CTNNBL1: variants seen among roughly 807,000 people sequenced by gnomAD.
The protein encoded by CTNNBL1 is catenin beta like 1.
Under a neutral mutation model 72.7 loss-of-function variants are expected in CTNNBL1, and 31 were observed. That is an observed-to-expected ratio of 0.43 (90% CI 0.32 to 0.58). The LOEUF is 0.58. Ranked by LOEUF, CTNNBL1 falls within the 20% of genes least tolerant of loss-of-function variation. The pLI is 0.08. For missense variants in CTNNBL1, 534 were observed against 725.1 expected (o/e 0.74, Z 3.03); for synonymous variants, 240 against 267.3 (o/e 0.90, Z 1.00).
chr20:37,843,490 C>A (rs2072322035), intron 13 of CTNNBL1, among the ~76,000 whole-genome samples: 1 of 152,188 alleles, frequency 6.6e-6, no homozygotes, highest in African/African-American at 2.4e-5. Flanking sequence ...TGTGGGGAGA[C>A]AGTGACCTTG....
intron 3 of CTNNBL1, among the ~76,000 whole-genome samples, chr20:37,740,824 A>G (rs1462588805): frequency 6.6e-6 from 1 of 152,176 alleles, no homozygotes; most frequent in East Asian, 1.9e-4. Context: ...GATTTATTAT[A>G]AAATAGTTTT....
chr20:37,871,814 G>A (rs2072587064), intron 15 of CTNNBL1, 111 bp from the exon 16 acceptor site: 3 of 920,852 alleles, frequency 3.3e-6, no homozygotes, highest in Admixed American at 3.9e-5. Flanking sequence ...GGGGCATTAG[G>A]GCGACTTGCA....
At chr20:37,795,694 G>T (rs2073766972) in intron 10 of CTNNBL1, among the ~76,000 whole-genome samples, 1 of 152,040 alleles carries the variant, frequency 6.6e-6, no homozygotes, top group Non-Finnish European at 1.5e-5. Flanking sequence ...TAGTTAACAT[G>T]CTGATGCTTT....
chr20:37,773,194 C>T (rs191297359), intron 7 of CTNNBL1, among the ~76,000 whole-genome samples: 1 of 152,284 alleles, frequency 6.6e-6, no homozygotes, highest in African/African-American at 2.4e-5. Context: ...AAGTTCTTAG[C>T]CTCTATGACC....
intron 13 of CTNNBL1, among the ~76,000 whole-genome samples, chr20:37,843,896 T>C (rs917796972): frequency 9.2e-5 from 14 of 152,250 alleles, no homozygotes; most frequent in Admixed American, 3.9e-4. Context: ...GTGATACTAC[T>C]GCAAGATAAA....
At chr20:37,856,649 G>A (rs2072444153) in intron 13 of CTNNBL1, among the ~76,000 whole-genome samples, 1 of 151,328 alleles carries the variant, frequency 6.6e-6, no homozygotes, top group African/African-American at 2.5e-5. Context: ...CCTCTAAGGT[G>A]CTCCATTCTG....
chr20:37,715,616 G>A (rs540213586), intron 1 of CTNNBL1, among the ~76,000 whole-genome samples: 9 of 152,248 alleles, frequency 5.9e-5, no homozygotes, highest in East Asian at 3.9e-4. Context: ...AGAAGTGGCC[G>A]AATTCCCTTG....
rs16986932 is a variant in CTNNBL1, at chr20:37,786,919, T to G, written c.1031+7584T>G. ...TGAGATTTTGTTTGTGGCCTTATAC[T>G]TGGGTAGTTTTTATAAATATTCCGT... On this transcript the variant is annotated intron_variant, in intron 10 of 15. Transcript: ENST00000361383. Among the ~76,000 whole-genome samples, 111 of 152,304 alleles carry G rather than the reference T, an allele frequency of 7.3e-4. 1 individual carries two copies. Among genetic ancestry groups the G allele is most frequent in the African/African-American group, 2.6e-3 (110 of 41,562 alleles).
intron 1 of CTNNBL1, among the ~76,000 whole-genome samples, chr20:37,708,069 C>T (rs553836168): frequency 9.9e-5 from 15 of 151,940 alleles, no homozygotes; most frequent in Non-Finnish European, 2.1e-4. Flanking sequence ...TCACTCATCA[C>T]GGATTACCAT....
chr20:37,867,145 G>T (rs2122877325), intron 15 of CTNNBL1, among the ~76,000 whole-genome samples: 1 of 152,304 alleles, frequency 6.6e-6, no homozygotes, highest in African/African-American at 2.4e-5. Context: ...AACCTTCCAA[G>T]TTCATTGTTG....
chr20:37,740,408 C>A (rs2073205924), intron 3 of CTNNBL1, among the ~76,000 whole-genome samples: 1 of 152,084 alleles, frequency 6.6e-6, no homozygotes, highest in Non-Finnish European at 1.5e-5. Flanking sequence ...TCATTTTGAT[C>A]GCATACCCAA....
chr20:37,774,713 A>G (rs2073559021), intron 7 of CTNNBL1, among the ~76,000 whole-genome samples: 1 of 152,194 alleles, frequency 6.6e-6, no homozygotes, highest in Non-Finnish European at 1.5e-5. Flanking sequence ...TAGTACAGCC[A>G]CTTCATGAGG....
At chr20:37,788,541 G>A (rs1158269210) in intron 10 of CTNNBL1, among the ~76,000 whole-genome samples, 1 of 152,230 alleles carries the variant, frequency 6.6e-6, no homozygotes, top group East Asian at 1.9e-4. Flanking sequence ...CGGGGCCATA[G>A]TGTGTTGTAA....
At chr20:37,718,279 C>CG (rs1332458190) in intron 1 of CTNNBL1, among the ~76,000 whole-genome samples, 2 of 127,242 alleles carry the variant, frequency 1.6e-5, no homozygotes, top group Non-Finnish European at 3.3e-5. Flanking sequence ...GCTGGCCGGG[C>CG]GGGGGGCTGA....
chr20:37,782,978 A>G (rs932597708), intron 10 of CTNNBL1, among the ~76,000 whole-genome samples: 1 of 152,232 alleles, frequency 6.6e-6, no homozygotes, highest in Admixed American at 6.5e-5. Flanking sequence ...TCAGATGCTC[A>G]GTAGCTACAC....
chr20:37,849,424 CA>C (rs2072376346), intron 13 of CTNNBL1, among the ~76,000 whole-genome samples: 2 of 152,190 alleles, frequency 1.3e-5, no homozygotes, highest in Non-Finnish European at 2.9e-5. Flanking sequence ...TCGTGATGTA[CA>C]AAAGCCATTC....
intron 8 of CTNNBL1, 113 bp from the exon 9 acceptor site, chr20:37,777,541 T>C: frequency 7.2e-7 from 1 of 1,380,832 alleles, no homozygotes; most frequent in Non-Finnish European, 1.0e-6. Flanking sequence ...TGTGCTGCTT[T>C]TGTACTCTGT....
At chr20:37,814,051 G>A (rs1487646701) in intron 11 of CTNNBL1, among the ~76,000 whole-genome samples, 1 of 152,134 alleles carries the variant, frequency 6.6e-6, no homozygotes, top group East Asian at 1.9e-4. Flanking sequence ...ATTACCCATA[G>A]TTTATAGATG....
In CTNNBL1 at chr20:37,758,773, C is replaced by A. The variant is rs148810100; in HGVS notation, c.564+1117C>A. ...TTAGTATTGGTTTTGACTCAGTTAG[C>A]AGTTGATCAAAGATTACTCCAGCCA... On this transcript the variant is annotated intron_variant, in intron 5 of 15. Coordinates refer to ENST00000361383, the MANE Select transcript of CTNNBL1 (RefSeq NM_030877.5). 1.5e-3 allele frequency among the ~76,000 whole-genome samples: 225 copies of A among 152,322 alleles called. 1 individual carries two copies. The highest frequency in any genetic ancestry group is 6.8e-3 in the Middle Eastern group (2 of 292).
Sources: gnomAD v4.1 joint callset for allele counts (sites outside exome capture counted in the v4.1 genomes callset) on GRCh38, gnomAD v4.1.1 for gene constraint, MANE v1.5 for transcripts, NCBI Gene and HGNC (gene_info 2026-07-23, HGNC 2026-07-21) for gene names.